Variants in NUP98 observed in about 807,000 individuals in gnomAD.
The protein encoded by NUP98 is nuclear pore complex protein Nup98-Nup96.
A neutral mutation model predicts 191.9 loss-of-function variants in NUP98; 26 were observed. The ratio of observed to expected loss-of-function variants is 0.14; its 90% confidence interval spans 0.10 to 0.19. The LOEUF is 0.19. NUP98 is among the 10% of genes least tolerant of loss of function. The probability of loss-of-function intolerance (pLI) is 1.00; values close to 1 mark genes in which losing one functional copy is unlikely to be tolerated. For missense variants in NUP98, 1,941 were observed against 2,178.8 expected (o/e 0.89, Z 2.17); for synonymous variants, 808 against 778.4 (o/e 1.04, Z -0.63).
chr11:3,771,830 A>G lies in NUP98; in HGVS notation c.702T>C (p.Thr234=). ...TTGLFGSSPA[T]SSATGLFSSS... Reference sequence around the variant, plus strand: ...AGCTGAAGAGTCCTGTTGCGCTGGAAGTGGCTGGAGAAGACCCAAACAAGC... The same window carrying G: ...AGCTGAAGAGTCCTGTTGCGCTGGAGGTGGCTGGAGAAGACCCAAACAAGC... Residue 234 remains threonine, a synonymous_variant, in exon 7 of 33, where the codon ACT becomes ACC. Transcript: ENST00000324932. 1 of 1,614,184 alleles carries G rather than the reference A, an allele frequency of 6.2e-7. No homozygotes were observed. Among genetic ancestry groups the G allele is most frequent in the Non-Finnish European group, 8.5e-7 (1 of 1,180,046 alleles).
intron 1 of NUP98, among the ~76,000 whole-genome samples, chr11:3,791,097 G>A (rs368024506): frequency 5.2e-4 from 79 of 151,826 alleles, no homozygotes; most frequent in South Asian, 2.1e-3. Flanking sequence ...GGTTTTCACC[G>A]TGTTAGCCAG....
intron 14 of NUP98, among the ~76,000 whole-genome samples, chr11:3,730,891 T>G (rs545898617): frequency 6.6e-6 from 1 of 152,336 alleles, no homozygotes; most frequent in South Asian, 2.1e-4. Flanking sequence ...CAAAATATTT[T>G]TATGCTAACT....
At chr11:3,719,338 TA>T in intron 18 of NUP98, 73 bp downstream of exon 18, 1 of 1,244,076 alleles carries the variant, frequency 8.0e-7, no homozygotes, top group Non-Finnish European at 1.1e-6. Flanking sequence ...AGCATACATC[TA>T]AACACATTTA....
intron 14 of NUP98, among the ~76,000 whole-genome samples, chr11:3,730,871 G>A (rs908807669): frequency 2.0e-5 from 3 of 152,028 alleles, no homozygotes; most frequent in Non-Finnish European, 4.4e-5. Context: ...AAAATAAGAG[G>A]CATATTTATC....
intron 18 of NUP98, among the ~76,000 whole-genome samples, chr11:3,716,381 C>T (rs2079183216): frequency 6.6e-6 from 1 of 151,780 alleles, no homozygotes; most frequent in Non-Finnish European, 1.5e-5. Flanking sequence ...TCCACACCAC[C>T]CTGCCCCCGA....
chr11:3,760,558 T>G lies in NUP98; in HGVS notation c.1155A>C (p.Thr385=). 6.2e-7 allele frequency: 1 copy of G among 1,614,076 alleles called. No homozygotes were observed. Residue 385 remains threonine, a synonymous_variant, in exon 10 of 33, where the codon ACA becomes ACC. Coordinates refer to ENST00000324932, the MANE Select transcript of NUP98 (RefSeq NM_016320.5). ...TGTTACCAAAGAGCCCGCCACTGGT[T>G]GTACCAAATGAAGGTGCACTGGTTG... is the stretch of plus-strand genomic sequence containing the variant. The part of the protein sequence containing the change: ...SSTTSAPSFG[T]TSGGLFGFGT...
At chr11:3,706,649 G>C in intron 20 of NUP98, 22 bp from the exon 21 acceptor site, 1 of 1,604,544 alleles carries the variant, frequency 6.2e-7, no homozygotes, top group Non-Finnish European at 8.5e-7. Flanking sequence ...AGAAAGATCA[G>C]GAAAGCAGCA....
chr11:3,775,953 T>C lies in NUP98; in HGVS notation c.424A>G (p.Ser142Gly). 1 of 1,613,554 alleles carries C rather than the reference T, an allele frequency of 6.2e-7. No homozygotes were observed. Residue 142 changes from serine (S) to glycine (G), a missense_variant, in exon 5 of 33, where the codon AGC becomes GGC. Physicochemically the swap from Ser to Gly is moderately conservative, Grantham distance 56 (BLOSUM62 0). This residue lies in a region of NUP98 where 154 missense variants were observed against 182.9 expected (regional missense o/e 0.84). Coordinates refer to ENST00000324932, the MANE Select transcript of NUP98 (RefSeq NM_016320.5). ...TTNTTSNPFG[S>G]TSGSLFGPSS... ...GGCCCAAAGAGGGAGCCAGATGTGC[T>C]GCCAAAAGGATTAGAGGTGGTATTT...
intron 31 of NUP98, among the ~76,000 whole-genome samples, chr11:3,677,361 G>A (rs890283892): frequency 2.0e-4 from 31 of 151,492 alleles, no homozygotes; most frequent in Non-Finnish European, 3.4e-4. Flanking sequence ...TGTAGGGTAA[G>A]GAGAAGAAGC....
In NUP98 at chr11:3,686,076, C is replaced by T. The variant is rs773199046; in HGVS notation, c.4573G>A (p.Ala1525Thr). 1 of 1,614,190 alleles carries T rather than the reference C, an allele frequency of 6.2e-7. No homozygotes were observed. The highest frequency in any genetic ancestry group is 8.5e-7 in the Non-Finnish European group (1 of 1,180,038). Reference protein sequence around the residue: ...LRALNYTHLSAQCEGVLQASY... With the variant: ...LRALNYTHLSTQCEGVLQASY... ...GCCTGTAGCACACCTTCACACTGCG[C>T]TGAGAGATGGGTGTAGTTAAGAGCC... The change falls in exon 29 of 33, where the codon GCG becomes ACG. Residue 1525 changes from alanine (A) to threonine (T), a missense_variant. Transcript: ENST00000324932.
chr11:3,710,413 C>G (rs2078996011), intron 20 of NUP98, among the ~76,000 whole-genome samples: 1 of 151,906 alleles, frequency 6.6e-6, no homozygotes, highest in African/African-American at 2.4e-5. Flanking sequence ...TTTTTAAGAG[C>G]AAAAGCGAGG....
At position 3,778,757 on chromosome 11, in the gene NUP98, T is replaced by C. The variant is rs1414496917; in HGVS notation, c.355+116A>G. On this transcript the variant is annotated intron_variant, in intron 4 of 32. Coordinates refer to ENST00000324932, the MANE Select transcript of NUP98 (RefSeq NM_016320.5). ...TATTGAAGTTTTCCTCTTCCCTTGT[T>C]TTTGCCATTTAGTAGGAAAAGAAGG... 105 of 1,074,154 alleles carry C rather than the reference T, an allele frequency of 9.8e-5. 1 individual carries two copies. Among genetic ancestry groups the C allele is most frequent in the Non-Finnish European group, 1.2e-5 (9 of 731,536 alleles). 66.5% of individuals were successfully genotyped at this position (1,074,154 alleles called of 1,614,324 possible).
chr11:3,783,621 C>G (rs1193944513), intron 1 of NUP98, among the ~76,000 whole-genome samples: 1 of 152,144 alleles, frequency 6.6e-6, no homozygotes, highest in Non-Finnish European at 1.5e-5. Context: ...ACTGCTTGAA[C>G]CTGGGAGGCA....
intron 30 of NUP98, 174 bp from the exon 31 acceptor site, chr11:3,679,882 C>T: frequency 1.5e-6 from 1 of 648,080 alleles, no homozygotes; most frequent in East Asian, 2.8e-5. Context: ...CAGACCACCA[C>T]AATAAAGCAG....
At chr11:3,785,498 C>A (rs1017036237) in intron 1 of NUP98, among the ~76,000 whole-genome samples, 2 of 152,300 alleles carry the variant, frequency 1.3e-5, no homozygotes, top group East Asian at 1.9e-4. Context: ...GTGGCTCATG[C>A]CTGTAATCCC....
intron 12 of NUP98, among the ~76,000 whole-genome samples, chr11:3,742,009 G>GAGAAAA (rs1236603988): frequency 1.3e-5 from 2 of 152,148 alleles, no homozygotes; most frequent in African/African-American, 4.8e-5. Flanking sequence ...TAAATAAAGA[G>GAGAAAA]AAAAACCCTA....
In NUP98 at chr11:3,778,922, G is replaced by C. The variant is rs777049183; in HGVS notation, c.306C>G (p.Phe102Leu). ...FGTASTGTSL[F>L]SSQNNAFAQN... Reference sequence around the variant, plus strand: ...GTGCAAAGGCATTGTTTTGGGATGAGAAGAGACTGGTCCCTGTGCTTGCAG... The same window carrying C: ...GTGCAAAGGCATTGTTTTGGGATGACAAGAGACTGGTCCCTGTGCTTGCAG... The change falls in exon 4 of 33, where the codon TTC becomes TTG. Residue 102 changes from phenylalanine to leucine, a missense_variant. Coordinates refer to ENST00000324932, the MANE Select transcript of NUP98 (RefSeq NM_016320.5). 1 of 1,614,214 alleles carries C rather than the reference G, an allele frequency of 6.2e-7. No homozygotes were observed. Among genetic ancestry groups the C allele is most frequent in the East Asian group, 2.2e-5 (1 of 44,882 alleles).
intron 12 of NUP98, among the ~76,000 whole-genome samples, chr11:3,738,401 A>G (rs1377600627): frequency 6.6e-6 from 1 of 152,228 alleles, no homozygotes; most frequent in East Asian, 1.9e-4. Flanking sequence ...TTAAAGGGAT[A>G]GGGAAAAGTA....
At chr11:3,707,472 G>C (rs1464789530) in intron 20 of NUP98, among the ~76,000 whole-genome samples, 1 of 151,948 alleles carries the variant, frequency 6.6e-6, no homozygotes, top group Non-Finnish European at 1.5e-5. Context: ...TCTAGACTGG[G>C]TTTGATGGCT....
Sources: gnomAD v4.1 joint callset for allele counts (sites outside exome capture counted in the v4.1 genomes callset) on GRCh38, gnomAD v4.1.1 for gene constraint, gnomAD v4.1.1 regional missense constraint, MANE v1.5 for transcripts, NCBI Gene and HGNC (gene_info 2026-07-23, HGNC 2026-07-21) for gene names.